The following PCDH15 variants were observed in gnomAD, a reference collection of about 807,000 sequenced individuals.
PCDH15 encodes protocadherin-15.
In PCDH15, 129 loss-of-function variants were observed where a neutral mutation model predicts 178.5. That is an observed-to-expected ratio of 0.72 (90% CI 0.63 to 0.84). The LOEUF (loss-of-function observed/expected upper bound fraction) is 0.84, where lower values mean the gene tolerates loss of function less well. PCDH15 is among the 40% of genes least tolerant of loss of function. PCDH15 has a pLI of 0.00. For synonymous variants in PCDH15, 800 were observed against 732.0 expected (o/e 1.09, Z -1.50); for missense variants, 2,230 against 2,099.9 (o/e 1.06, Z -1.21).
chr10:54,344,920 A>AAC (rs1942974891), intron 6 of PCDH15, among the ~76,000 whole-genome samples: 10 of 145,244 alleles, frequency 6.9e-5, no homozygotes, highest in African/African-American at 2.3e-4. Context: ...AAAAAAAAAA[A>AAC]AAAAAACAAG....
intron 18 of PCDH15, among the ~76,000 whole-genome samples, chr10:54,031,309 T>C (rs1248830023): frequency 6.6e-6 from 1 of 152,014 alleles, no homozygotes; most frequent in Non-Finnish European, 1.5e-5. Flanking sequence ...TCAGTTCTAC[T>C]TCATCTGGGA....
chr10:54,422,545 A>C (rs1462729033), intron 3 of PCDH15, among the ~76,000 whole-genome samples: 1 of 152,134 alleles, frequency 6.6e-6, no homozygotes. Context: ...TGGGTCAGAC[A>C]ATTATTTAAT....
At chr10:54,869,297 G>C (rs776152724) in intron 3 of PCDH15, among the ~76,000 whole-genome samples, 3 of 152,070 alleles carry the variant, frequency 2.0e-5, no homozygotes, top group Non-Finnish European at 4.4e-5. Flanking sequence ...AAACTAAGAA[G>C]GACCTTATCC....
intron 2 of PCDH15, among the ~76,000 whole-genome samples, chr10:55,420,151 C>T (rs539702685): frequency 7.9e-4 from 120 of 151,688 alleles, no homozygotes; most frequent in Non-Finnish European, 1.4e-3. Flanking sequence ...TCATTTCCTT[C>T]AAAAGAATAT....
chr10:54,797,100 T>C (rs991505243), intron 1 of PCDH15, among the ~76,000 whole-genome samples: 4 of 151,980 alleles, frequency 2.6e-5, no homozygotes, highest in African/African-American at 4.8e-5. Flanking sequence ...CAGGAAACAG[T>C]GCTTAATTCT....
At chr10:53,809,267 T>A in intron 37 of PCDH15, 1 of 1,613,972 alleles carries the variant, frequency 6.2e-7, no homozygotes, top group Non-Finnish European at 8.5e-7. Context: ...GATTCTACAG[T>A]GCTTTCTGTT....
intron 25 of PCDH15, among the ~76,000 whole-genome samples, chr10:53,910,416 G>C (rs1298250986): frequency 6.6e-6 from 1 of 152,084 alleles, no homozygotes; most frequent in Non-Finnish European, 1.5e-5. Flanking sequence ...TGCAGCTAAG[G>C]GACCTGACTG....
chr10:55,077,750 T>C (rs1307850948), intron 2 of PCDH15, among the ~76,000 whole-genome samples: 1 of 152,140 alleles, frequency 6.6e-6, no homozygotes. Flanking sequence ...ATTCACCATG[T>C]TGGACAGACT....
At chr10:54,257,812 G>A (rs928606092) in intron 8 of PCDH15, among the ~76,000 whole-genome samples, 3 of 152,064 alleles carry the variant, frequency 2.0e-5, no homozygotes, top group Admixed American at 6.6e-5. Context: ...AGAAGCATTC[G>A]TCTTGAAACA....
intron 2 of PCDH15, among the ~76,000 whole-genome samples, chr10:54,532,004 A>G (rs1289508705): frequency 2.0e-5 from 3 of 152,322 alleles, no homozygotes; most frequent in African/African-American, 7.2e-5. Context: ...CCGATCGATA[A>G]GTCTTGAATT....
At chr10:54,737,957 G>A (rs908836253) in intron 1 of PCDH15, among the ~76,000 whole-genome samples, 1 of 152,094 alleles carries the variant, frequency 6.6e-6, no homozygotes, top group Admixed American at 6.6e-5. Flanking sequence ...GGTGGCCAGG[G>A]TAGGAGTCAC....
chr10:55,590,531 A>C lies in PCDH15; in HGVS notation c.-156+37094T>G, dbSNP rs566126224. Among the ~76,000 whole-genome samples the C allele has an allele frequency of 7.3e-4, 111 of 152,250 alleles. 1 individual carries two copies. The highest frequency in any genetic ancestry group is 2.6e-3 in the African/African-American group (107 of 41,568). On this transcript the variant is annotated intron_variant, in intron 2 of 5. Coordinates refer to the PCDH15 transcript ENST00000613346. ...ATACTGTTCTTAACAGTTCATCTCA[A>C]TTTTGTAGACTTATATGCTTCTGCC...
rs547731975 is a variant in PCDH15 at position 53,806,607 on chromosome 10, T to C, written c.5195A>G (p.Asn1732Ser). 9.9e-6 allele frequency: 16 copies of C among 1,613,438 alleles called. No individual in the cohort carries two copies. In the Admixed American group the frequency reaches 1.5e-4, roughly 15 times the overall value. Residue 1732 changes from asparagine to serine, a missense_variant, in exon 38 of 38, where the codon AAC becomes AGC. Coordinates refer to ENST00000644397, the MANE Select transcript of PCDH15 (RefSeq NM_001384140.1). ...DEELWMGPWN[N>S]LHIPMTKL ...CAGTTTTGTCATTGGTATATGGAGG[T>C]TGTTCCAGGGGCCCATCCAAAGCTC...
At chr10:54,998,280 T>G (rs1839696342) in intron 2 of PCDH15, among the ~76,000 whole-genome samples, 2 of 152,242 alleles carry the variant, frequency 1.3e-5, no homozygotes, top group Admixed American at 1.3e-4. Context: ...AAATTTTTTT[T>G]CCTGTTTCTC....
At chr10:54,525,105 G>C (rs1327012915) in intron 3 of PCDH15, among the ~76,000 whole-genome samples, 1 of 152,166 alleles carries the variant, frequency 6.6e-6, no homozygotes, top group Non-Finnish European at 1.5e-5. Flanking sequence ...GTATAAATAA[G>C]TGTTCTATAA....
chr10:54,676,229 A>G (rs7898511), intron 1 of PCDH15, among the ~76,000 whole-genome samples: 85,837 of 151,742 alleles, frequency 0.57, 24,765 homozygotes, highest in Middle Eastern at 0.63. Flanking sequence ...TACTTGGAAA[A>G]TAAGAACCAA....
chr10:54,628,406 C>A (rs1222251070), intron 2 of PCDH15, among the ~76,000 whole-genome samples: 1 of 152,142 alleles, frequency 6.6e-6, no homozygotes, highest in Non-Finnish European at 1.5e-5. Context: ...CTTTTCCTCT[C>A]ACTTTATTGT....
rs11004394 is a variant in PCDH15, at chr10:54,578,516, T to C, written c.92-50639A>G. 5.4e-3 allele frequency among the ~76,000 whole-genome samples: 824 copies of C among 152,246 alleles called. 7 individuals carry two copies. The highest frequency in any genetic ancestry group is 0.018 in the African/African-American group (762 of 41,566). ...TAAGAAATACCTACATGGTTTAAAA[T>C]AGTAATTATAAACATAGTAATTTTA... On this transcript the variant is annotated intron_variant, in intron 2 of 37. Coordinates refer to ENST00000644397, the MANE Select transcript of PCDH15 (RefSeq NM_001384140.1).
At chr10:54,496,278 C>T (rs1242009434) in intron 3 of PCDH15, among the ~76,000 whole-genome samples, 1 of 152,128 alleles carries the variant, frequency 6.6e-6, no homozygotes, top group Admixed American at 6.6e-5. Flanking sequence ...GTGGAAACTT[C>T]CAGTTTCCTG....
Sources: allele counts gnomAD v4.1 joint callset (sites outside exome capture counted in the v4.1 genomes callset), GRCh38; gene constraint gnomAD v4.1.1; transcripts MANE v1.5; gene names NCBI Gene and HGNC (gene_info 2026-07-23, HGNC 2026-07-21).